TRMT9B: variants seen among roughly 807,000 people sequenced by gnomAD.
TRMT9B encodes the protein probable tRNA methyltransferase 9B.
Under a neutral mutation model 11.5 loss-of-function variants are expected in TRMT9B, and 16 were observed. The ratio of observed to expected loss-of-function variants is 1.39; its 90% CI spans 0.94 to 2.11. TRMT9B has a LOEUF of 2.11. Among genes scored for constraint, TRMT9B ranks in the 30% most tolerant of loss-of-function variants. The pLI, the probability that TRMT9B is intolerant of heterozygous loss-of-function variation, is 0.00. For missense variants in TRMT9B, 941 were observed against 553.8 expected (o/e 1.70, Z -7.02); for synonymous variants, 274 against 192.4 (o/e 1.42, Z -3.51).
intron 1 of TRMT9B, among the ~76,000 whole-genome samples, chr8:12,952,948 C>T (rs1333555124): frequency 6.6e-6 from 1 of 152,170 alleles, no homozygotes; most frequent in Non-Finnish European, 1.5e-5. Flanking sequence ...CCATGTTGGT[C>T]AGGCTGGTCT....
chr8:12,994,268 T>C (rs1370420707), intron 2 of TRMT9B, among the ~76,000 whole-genome samples: 1 of 152,248 alleles, frequency 6.6e-6, no homozygotes, highest in East Asian at 1.9e-4. Context: ...CCCAGAATCT[T>C]AGATCTCCAA....
chr8:12,980,620 A>G (rs1400071819), intron 1 of TRMT9B, among the ~76,000 whole-genome samples: 6 of 152,192 alleles, frequency 3.9e-5, no homozygotes, highest in Non-Finnish European at 7.3e-5. Flanking sequence ...CAAGATTGCA[A>G]TCACAGCACT....
intron 1 of TRMT9B, among the ~76,000 whole-genome samples, chr8:12,959,011 G>A (rs1359367412): frequency 1.3e-5 from 2 of 152,136 alleles, no homozygotes; most frequent in African/African-American, 2.4e-5. Context: ...GTTGATGGGT[G>A]CAGCAAACCA....
At chr8:12,986,339 G>A (rs780745500) in intron 1 of TRMT9B, among the ~76,000 whole-genome samples, 11 of 152,016 alleles carry the variant, frequency 7.2e-5, no homozygotes, top group Non-Finnish European at 1.2e-4. Flanking sequence ...TGTTCTCCAC[G>A]TGTTTGTACA....
At chr8:12,957,501 G>C (rs1309820416) in intron 1 of TRMT9B, among the ~76,000 whole-genome samples, 2 of 151,972 alleles carry the variant, frequency 1.3e-5, no homozygotes, top group African/African-American at 4.8e-5. Context: ...TCAATGTTAA[G>C]ACATTTGCAT....
intron 1 of TRMT9B, among the ~76,000 whole-genome samples, chr8:12,963,005 A>G (rs1249171189): frequency 6.6e-6 from 1 of 152,252 alleles, no homozygotes. Flanking sequence ...ATTTCTTCCC[A>G]GTCCGCTGAG....
chr8:13,028,848 T>C lies in TRMT9B; in HGVS notation c.*6804T>C, dbSNP rs1372084601. On this transcript the variant is annotated 3_prime_UTR_variant, in exon 5 of 5. Transcript: ENST00000524591. ...TAATCATACCACTTCTAACTAGATT[T>C]TCTATTAATGTACAAGGAGGGACTC... 6.0e-6 allele frequency: 1 copy of C among 166,962 alleles called. No individual in the cohort carries two copies. The highest frequency in any genetic ancestry group is 1.5e-5 in the Non-Finnish European group (1 of 68,108). 10.3% of individuals were successfully genotyped at this position (166,962 alleles called of 1,614,324 possible). A position where few individuals can be genotyped will look rare whatever the true frequency, so the allele number is the denominator to read the frequency against.
Position 13,021,615 on chromosome 8 carries a change from T to C in TRMT9B, c.936T>C (p.Phe312=), listed in dbSNP as rs2128903453. The change falls in exon 5 of 5, where the codon TTT becomes TTC. Residue 312 remains phenylalanine, a synonymous_variant. Transcript: ENST00000524591. The part of the protein sequence containing the change: ...TKGQSLDEEV[F]VESSSGKHLE... ...GGCAAAGTTTAGATGAGGAAGTGTTTGTGGAATCTTCTTCTGGAAAACACT... is the reference window on the plus strand; with the variant it reads ...GGCAAAGTTTAGATGAGGAAGTGTTCGTGGAATCTTCTTCTGGAAAACACT... 1 of 1,613,878 alleles carries C rather than the reference T, an allele frequency of 6.2e-7. No individual in the cohort carries two copies. The highest frequency in any genetic ancestry group is 2.2e-5 in the East Asian group (1 of 44,866).
chr8:13,023,364 G>T lies in TRMT9B; in HGVS notation c.*1320G>T, dbSNP rs1055613632. Reference sequence around the variant, plus strand: ...TGGATTTGCTGTATCCTTTAAAATAGTATCTGGGCATTTATTTTATTGAAG... The same window carrying T: ...TGGATTTGCTGTATCCTTTAAAATATTATCTGGGCATTTATTTTATTGAAG... On this transcript the variant is annotated 3_prime_UTR_variant, in exon 5 of 5. Coordinates refer to ENST00000524591, the MANE Select transcript of TRMT9B (RefSeq NM_020844.3). The T allele has an allele frequency of 2.4e-5, 4 of 167,030 alleles. No homozygotes were observed. The highest frequency in any genetic ancestry group is 9.7e-5 in the African/African-American group (4 of 41,432). 10.3% of individuals were successfully genotyped at this position (167,030 alleles called of 1,614,324 possible). A position where few individuals can be genotyped will look rare whatever the true frequency, so the allele number is the denominator to read the frequency against.
rs901240548 is a variant in TRMT9B, at chr8:13,029,592, A to G, written c.*7548A>G. The G allele has an allele frequency of 3.6e-5, 6 of 165,272 alleles. No individual in the cohort carries two copies. The highest frequency in any genetic ancestry group is 7.3e-5 in the Non-Finnish European group (5 of 68,116). The allele number at this position is 165,272 out of a possible 1,614,324, so 10.2% of individuals were successfully genotyped here. Reference sequence around the variant, plus strand: ...GTACAGGACAAGCATTATTCAGTTCACATAGTCAGCTCTCACTACACTTCA... The same window carrying G: ...GTACAGGACAAGCATTATTCAGTTCGCATAGTCAGCTCTCACTACACTTCA... On this transcript the variant is annotated 3_prime_UTR_variant, in exon 5 of 5. Transcript: ENST00000524591.
rs1312470243 is a variant in TRMT9B, at chr8:13,021,797, G to A, written c.1118G>A (p.Ser373Asn). The A allele has an allele frequency of 6.2e-7, 1 of 1,613,788 alleles. No individual in the cohort carries two copies. Among genetic ancestry groups the A allele is most frequent in the South Asian group, 1.1e-5 (1 of 91,060 alleles). The change falls in exon 5 of 5, where the codon AGT (serine) becomes AAT (asparagine). Residue 373 changes from serine to asparagine, a missense_variant. Ser to Asn is a conservative substitution (Grantham distance 46, BLOSUM62 1). Transcript: ENST00000524591. ...GNIEDDNPSASKILRRISAVD... is the reference protein window; with the variant it reads ...GNIEDDNPSANKILRRISAVD... ...ATAGAAGATGATAATCCTTCTGCTA[G>A]TAAAATATTGAGAAGGATTTCTGCA...
At chr8:12,975,470 C>G (rs984616462) in intron 1 of TRMT9B, among the ~76,000 whole-genome samples, 3 of 152,022 alleles carry the variant, frequency 2.0e-5, no homozygotes, top group African/African-American at 7.2e-5. Context: ...GGTACAGTAG[C>G]TTATGCCTGT....
chr8:12,966,456 G>C (rs1012163269), intron 1 of TRMT9B, among the ~76,000 whole-genome samples: 1 of 152,050 alleles, frequency 6.6e-6, no homozygotes, highest in African/African-American at 2.4e-5. Flanking sequence ...AGACATTGCT[G>C]TTCTGTAATA....
At chr8:12,952,642 G>T (rs1800779143) in intron 1 of TRMT9B, 1 of 979,494 alleles carries the variant, frequency 1.0e-6, no homozygotes, top group Admixed American at 6.2e-5. Context: ...ATAACTTGAA[G>T]CCAGAAAGTT....
chr8:12,952,634 A>T lies in TRMT9B; in HGVS notation c.-200+6668A>T, dbSNP rs564722887. On this transcript the variant is annotated intron_variant, in intron 1 of 4. Transcript: ENST00000524591. ...TTAGTAAGAGGCAAAGAACTAAGAT[A>T]ACTTGAAGCCAGAAAGTTTTCAAAG... is the stretch of plus-strand genomic sequence containing the variant. 3 of 969,580 alleles carry T rather than the reference A, an allele frequency of 3.1e-6. No homozygotes were observed. In the African/African-American group the frequency reaches 5.3e-5, roughly 17 times the overall value. 60.1% of individuals were successfully genotyped at this position (969,580 alleles called of 1,614,324 possible). A position where few individuals can be genotyped will look rare whatever the true frequency, so the allele number is the denominator to read the frequency against.
chr8:12,972,770 G>C (rs1392290520), intron 1 of TRMT9B, among the ~76,000 whole-genome samples: 1 of 152,194 alleles, frequency 6.6e-6, no homozygotes, highest in Non-Finnish European at 1.5e-5. Context: ...CTAGTTGCTA[G>C]ACTACCTCAG....
chr8:12,956,511 T>G (rs1324764411), intron 1 of TRMT9B, among the ~76,000 whole-genome samples: 2 of 152,362 alleles, frequency 1.3e-5, no homozygotes, highest in African/African-American at 4.8e-5. Flanking sequence ...TTCTTAGGTT[T>G]GATTTCATAA....
intron 1 of TRMT9B, among the ~76,000 whole-genome samples, chr8:12,974,313 A>G (rs1804092731): frequency 6.6e-6 from 1 of 152,086 alleles, no homozygotes; most frequent in Non-Finnish European, 1.5e-5. Context: ...TCCCACTGCA[A>G]GCTTCTTGAT....
At chr8:12,993,095 G>A (rs192912263) in intron 2 of TRMT9B, among the ~76,000 whole-genome samples, 1 of 152,284 alleles carries the variant, frequency 6.6e-6, no homozygotes, top group Non-Finnish European at 1.5e-5. Flanking sequence ...AAAGTGAGTA[G>A]ATTTGTGTGG....
Sources: gnomAD v4.1 joint callset for allele counts (sites outside exome capture counted in the v4.1 genomes callset) on GRCh38, gnomAD v4.1.1 for gene constraint, MANE v1.5 for transcripts, NCBI Gene and HGNC (gene_info 2026-07-23, HGNC 2026-07-21) for gene names.